The following EYS variants were observed in gnomAD, a reference collection of about 807,000 sequenced individuals.
EYS encodes protein eyes shut homolog.
Under a neutral mutation model 282.1 loss-of-function variants are expected in EYS, and 250 were observed. The observed-to-expected ratio is 0.89, with a 90% CI of 0.80 to 0.98. The LOEUF (loss-of-function observed/expected upper bound fraction) is 0.98, where lower values mean the gene tolerates loss of function less well. Among genes scored for constraint, EYS ranks in the 50% least tolerant of loss-of-function variants. EYS has a pLI of 0.00. For missense variants in EYS, 4,016 were observed against 3,709.0 expected (o/e 1.08, Z -2.15); for synonymous variants, 1,355 against 1,282.9 (o/e 1.06, Z -1.20).
intron 40 of EYS, among the ~76,000 whole-genome samples, chr6:63,764,786 G>A (rs1003315987): frequency 3.5e-4 from 53 of 151,808 alleles, no homozygotes; most frequent in Non-Finnish European, 8.8e-5. Flanking sequence ...CATATAGTTT[G>A]TCTCAGAATT....
intron 12 of EYS, among the ~76,000 whole-genome samples, chr6:65,144,228 T>A (rs1438274699): frequency 6.6e-6 from 1 of 152,116 alleles, no homozygotes; most frequent in Non-Finnish European, 1.5e-5. Flanking sequence ...TGGCTAAATA[T>A]CTGTGTCACA....
intron 12 of EYS, among the ~76,000 whole-genome samples, chr6:65,189,455 A>G (rs1219835246): frequency 6.6e-6 from 1 of 151,920 alleles, no homozygotes; most frequent in East Asian, 1.9e-4. Context: ...AAAGTTCTCA[A>G]GATCAATGCT....
chr6:64,294,980 A>G (rs1768862217), intron 30 of EYS, among the ~76,000 whole-genome samples: 1 of 152,164 alleles, frequency 6.6e-6, no homozygotes, highest in African/African-American at 2.4e-5. Context: ...AAGACCAACT[A>G]GCTGCTAATT....
intron 41 of EYS, among the ~76,000 whole-genome samples, chr6:63,753,142 A>G (rs201867599): frequency 0.017 from 136 of 8,130 alleles, 1 homozygote; most frequent in Middle Eastern, 0.083. Flanking sequence ...GTGTGTGTGT[A>G]TATATATATA....
chr6:65,381,556 G>A (rs545543498), intron 8 of EYS, among the ~76,000 whole-genome samples: 10 of 151,914 alleles, frequency 6.6e-5, no homozygotes, highest in East Asian at 3.9e-4. Context: ...GATAGGTGCC[G>A]CAAACCACCA....
intron 22 of EYS, among the ~76,000 whole-genome samples, chr6:64,675,256 TC>T (rs1769611045): frequency 6.6e-6 from 1 of 152,118 alleles, no homozygotes; most frequent in Admixed American, 6.5e-5. Context: ...GTATCTTCTA[TC>T]ATGTACCATC....
intron 12 of EYS, among the ~76,000 whole-genome samples, chr6:65,069,724 T>G (rs1038345587): frequency 6.6e-6 from 1 of 152,000 alleles, no homozygotes; most frequent in African/African-American, 2.4e-5. Context: ...CTGGTTTTAA[T>G]TTTTATTTTT....
chr6:65,123,484 G>A (rs1290191368), intron 12 of EYS, among the ~76,000 whole-genome samples: 2 of 152,148 alleles, frequency 1.3e-5, no homozygotes, highest in South Asian at 2.1e-4. Context: ...CTTCCACCAG[G>A]AAAGCAAAGA....
At chr6:64,674,308 T>C (rs1354433644) in intron 22 of EYS, among the ~76,000 whole-genome samples, 1 of 152,100 alleles carries the variant, frequency 6.6e-6, no homozygotes, top group African/African-American at 2.4e-5. Flanking sequence ...GAAGACAAAA[T>C]GTCCCTATTT....
At chr6:64,602,209 C>T (rs1766783576) in intron 24 of EYS, among the ~76,000 whole-genome samples, 1 of 152,008 alleles carries the variant, frequency 6.6e-6, no homozygotes, top group South Asian at 2.1e-4. Flanking sequence ...TTGTATTCAG[C>T]ACACTATTTG....
At chr6:64,957,510 T>G (rs1299498589) in intron 14 of EYS, among the ~76,000 whole-genome samples, 1 of 152,168 alleles carries the variant, frequency 6.6e-6, no homozygotes, top group African/African-American at 2.4e-5. Context: ...TAAGATCTAC[T>G]ATTTGATGGC....
intron 5 of EYS, among the ~76,000 whole-genome samples, chr6:65,407,373 A>C (rs1186587511): frequency 6.6e-5 from 10 of 152,070 alleles, no homozygotes; most frequent in Admixed American, 6.6e-4. Context: ...CTCCTGCCTC[A>C]ACCTCCCAAG....
intron 37 of EYS, among the ~76,000 whole-genome samples, chr6:63,798,621 C>T (rs899688984): frequency 1.4e-4 from 22 of 152,170 alleles, no homozygotes; most frequent in African/African-American, 5.3e-4. Flanking sequence ...CCTACCAGGG[C>T]TCTCTGAAGA....
At chr6:65,083,455 T>A (rs1284570097) in intron 12 of EYS, among the ~76,000 whole-genome samples, 2 of 152,048 alleles carry the variant, frequency 1.3e-5, no homozygotes, top group Non-Finnish European at 2.9e-5. Flanking sequence ...GTGATACATT[T>A]AGAATTATTG....
intron 15 of EYS, among the ~76,000 whole-genome samples, chr6:64,934,555 A>G (rs1396371318): frequency 2.0e-5 from 3 of 151,918 alleles, no homozygotes; most frequent in Non-Finnish European, 4.4e-5. Flanking sequence ...TAAGAATAAC[A>G]ATTGACTTCC....
At chr6:63,941,890 T>C (rs1412840079) in intron 35 of EYS, among the ~76,000 whole-genome samples, 2 of 152,220 alleles carry the variant, frequency 1.3e-5, no homozygotes, top group Admixed American at 1.3e-4. Flanking sequence ...TTGTTCTGAA[T>C]TGGTTCCATT....
intron 32 of EYS, among the ~76,000 whole-genome samples, chr6:64,066,808 TGTGA>T (rs1156380904): frequency 5.9e-5 from 9 of 152,164 alleles, no homozygotes; most frequent in East Asian, 3.8e-4. Flanking sequence ...GAGTAACTAC[TGTGA>T]GTATTAGAAC....
At chr6:65,662,659 C>A (rs1304552144) in intron 1 of EYS, among the ~76,000 whole-genome samples, 6 of 152,018 alleles carry the variant, frequency 3.9e-5, no homozygotes, top group East Asian at 3.8e-4. Flanking sequence ...ATGTGGAAAC[C>A]CCGTATTGAA....
intron 24 of EYS, among the ~76,000 whole-genome samples, chr6:64,610,507 G>C (rs941893567): frequency 2.7e-5 from 4 of 148,988 alleles, no homozygotes; most frequent in African/African-American, 9.9e-5. Flanking sequence ...CGGTTCAAGC[G>C]ATCCTTGTGC....
Sources: allele counts gnomAD v4.1 joint callset (sites outside exome capture counted in the v4.1 genomes callset), GRCh38; gene constraint gnomAD v4.1.1; transcripts MANE v1.5; gene names NCBI Gene and HGNC (gene_info 2026-07-23, HGNC 2026-07-21).